HTR2C: variants seen among roughly 807,000 people sequenced by gnomAD.
HTR2C encodes the protein 5-hydroxytryptamine receptor 2C.
A neutral mutation model predicts 21.0 loss-of-function variants in HTR2C; 5 were observed. That is an observed-to-expected ratio of 0.24 (90% CI 0.12 to 0.50). The LOEUF (loss-of-function observed/expected upper bound fraction) is 0.50. Among genes scored for constraint, HTR2C ranks in the 20% least tolerant of loss-of-function variants. HTR2C has a pLI of 0.98. For missense variants in HTR2C, 271 were observed against 371.2 expected, an observed-to-expected ratio of 0.73 and a Z score of 2.22; for synonymous variants, 150 against 145.3, an observed-to-expected ratio of 1.03 and a Z score of -0.23.
intron 2 of HTR2C, among the ~76,000 whole-genome samples, chrX:114,671,841 A>T (rs1212183264): frequency 8.9e-6 from 1 of 112,020 alleles, no homozygotes; most frequent in Admixed American, 9.5e-5. Context: ...AAAATTAAAT[A>T]TTCAAATACC....
chrX:114,808,930 T>G (rs2070505238), intron 4 of HTR2C, among the ~76,000 whole-genome samples: 1 of 111,948 alleles, frequency 8.9e-6, no homozygotes, highest in Admixed American at 9.5e-5. Context: ...CCACTGGGAC[T>G]GTACTAGGTC....
At chrX:114,774,986 G>A (rs1556438275) in intron 4 of HTR2C, 27 of 497,184 alleles carry the variant, frequency 5.4e-5, no homozygotes, top group Non-Finnish European at 8.0e-5. Context: ...TCTGTCTGCT[G>A]ATGTTCAAAT....
At chrX:114,758,216 G>A (rs1556430987) in intron 4 of HTR2C, among the ~76,000 whole-genome samples, 1 of 111,357 alleles carries the variant, frequency 9.0e-6, no homozygotes, top group Non-Finnish European at 1.9e-5. Context: ...CAATATTTAA[G>A]TCTTAAAAGG....
chrX:114,764,152 C>A lies in HTR2C; in HGVS notation c.349+32545C>A, dbSNP rs377383847. Among the ~76,000 whole-genome samples the A allele has an allele frequency of 1.0e-3, 114 of 110,867 alleles. 1 individual carries two copies. The highest frequency in any genetic ancestry group is 3.6e-3 in the African/African-American group (109 of 30,499). On this transcript the variant is annotated intron_variant, in intron 4 of 5. Transcript: ENST00000276198. Reference sequence around the variant, plus strand: ...GGTGGCTCATGCCTGTAACCCCAACCCTTTGGGAGGCCGAGGCGGGCAGAT... The same window carrying A: ...GGTGGCTCATGCCTGTAACCCCAACACTTTGGGAGGCCGAGGCGGGCAGAT...
At chrX:114,639,813 T>G (rs1930021184) in intron 2 of HTR2C, among the ~76,000 whole-genome samples, 1 of 111,758 alleles carries the variant, frequency 8.9e-6, no homozygotes, top group Non-Finnish European at 1.9e-5. Flanking sequence ...ATTTTTAACT[T>G]TGTATTTAAC....
chrX:114,663,837 G>A (rs146240075), intron 2 of HTR2C, among the ~76,000 whole-genome samples: 1,992 of 111,582 alleles, frequency 0.018, 52 homozygotes, highest in African/African-American at 0.062. Context: ...ACTAGACTGC[G>A]GGGGTGAGGG....
chrX:114,752,817 A>G (rs916671637), intron 4 of HTR2C, among the ~76,000 whole-genome samples: 2 of 110,526 alleles, frequency 1.8e-5, no homozygotes, highest in Non-Finnish European at 3.8e-5. Context: ...AATTTTCGGA[A>G]CCCAAGAAAT....
intron 5 of HTR2C, among the ~76,000 whole-genome samples, chrX:114,894,068 A>G (rs2071277734): frequency 9.0e-6 from 1 of 111,121 alleles, no homozygotes; most frequent in African/African-American, 3.3e-5. Flanking sequence ...TGAAACTTTC[A>G]TTGCGGATGG....
At chrX:114,720,719 A>ATG in intron 2 of HTR2C, among the ~76,000 whole-genome samples, 1 of 28,472 alleles carries the variant, frequency 3.5e-5, no homozygotes, top group African/African-American at 1.2e-4. Context: ...TCCTGTGTCC[A>ATG]TGTGATCTCA....
chrX:114,869,749 G>A (rs1556475778), intron 5 of HTR2C, among the ~76,000 whole-genome samples: 1 of 111,872 alleles, frequency 8.9e-6, no homozygotes, highest in African/African-American at 3.3e-5. Flanking sequence ...CCAGACCTTA[G>A]AGGAAAGACT....
chrX:114,699,168 T>C (rs1556416312), intron 2 of HTR2C, among the ~76,000 whole-genome samples: 2 of 112,171 alleles, frequency 1.8e-5, no homozygotes, highest in African/African-American at 6.5e-5. Context: ...GATATTTTGC[T>C]TTAAGCTATG....
chrX:114,820,009 C>T (rs782521024), intron 4 of HTR2C, among the ~76,000 whole-genome samples: 1 of 110,060 alleles, frequency 9.1e-6, no homozygotes. Flanking sequence ...AACATTAATG[C>T]TGGTCAGTTG....
At position 114,907,322 on chromosome X, in the gene HTR2C, T is replaced by C; in HGVS notation, c.1284T>C (p.Ser428=). ...ATGAACCGGTGATCGAGAAAGCCAG[T>C]GACAATGAGCCCGGTATAGAGATGC... is the stretch of plus-strand genomic sequence containing the variant. The part of the protein sequence containing the change: ...HTNEPVIEKA[S]DNEPGIEMQV... The change falls in exon 6 of 6, where the codon AGT becomes AGC. Residue 428 remains serine (S), a synonymous_variant. Transcript: ENST00000276198. 1 of 1,210,967 alleles carries C rather than the reference T, an allele frequency of 8.3e-7. No homozygotes were observed. The highest frequency in any genetic ancestry group is 1.1e-6 in the Non-Finnish European group (1 of 894,895).
intron 4 of HTR2C, among the ~76,000 whole-genome samples, chrX:114,779,486 G>C (rs1299504948): frequency 9.0e-6 from 1 of 111,396 alleles, no homozygotes; most frequent in Non-Finnish European, 1.9e-5. Flanking sequence ...TGGTGCAAAA[G>C]TCATTGCAGT....
At chrX:114,847,950 T>C (rs1411963481) in intron 4 of HTR2C, 53 bp from the exon 5 acceptor site, 7 of 953,549 alleles carry the variant, frequency 7.3e-6, no homozygotes, top group Non-Finnish European at 1.0e-5. Flanking sequence ...TTTGAGACTA[T>C]AGTCAGTACA....
At position 114,682,179 on chromosome X, in the gene HTR2C, A is replaced by G. The variant is rs187400944; in HGVS notation, c.-79-44679A>G. Among the ~76,000 whole-genome samples, 567 of 111,336 alleles carry G rather than the reference A, an allele frequency of 5.1e-3. 3 individuals carry two copies. Among genetic ancestry groups the G allele is most frequent in the Middle Eastern group, 0.019 (4 of 214 alleles). On this transcript the variant is annotated intron_variant, in intron 2 of 5. Coordinates refer to ENST00000276198, the MANE Select transcript of HTR2C (RefSeq NM_000868.4). ...AGGAAATTTCTTTAACAGGCTGACAATTTTCTTTTTTAATAAATGGAACAA... is the reference window on the plus strand; with the variant it reads ...AGGAAATTTCTTTAACAGGCTGACAGTTTTCTTTTTTAATAAATGGAACAA...
chrX:114,629,157 C>T (rs1179088463), intron 2 of HTR2C, among the ~76,000 whole-genome samples: 2 of 111,538 alleles, frequency 1.8e-5, no homozygotes, highest in African/African-American at 3.3e-5. Flanking sequence ...AAAACAGAAA[C>T]GGGTTAATTT....
At chrX:114,808,716 A>C (rs781805368) in intron 4 of HTR2C, among the ~76,000 whole-genome samples, 1 of 111,857 alleles carries the variant, frequency 8.9e-6, no homozygotes, top group African/African-American at 3.2e-5. Flanking sequence ...TCTGATGATC[A>C]ATGATAGTGA....
chrX:114,889,449 T>G (rs1416640170), intron 5 of HTR2C, among the ~76,000 whole-genome samples: 2 of 112,058 alleles, frequency 1.8e-5, no homozygotes, highest in African/African-American at 6.5e-5. Context: ...GCAATCCGAC[T>G]GTTTGGGGAA....
Sources: allele counts gnomAD v4.1 joint callset (sites outside exome capture counted in the v4.1 genomes callset), GRCh38; gene constraint gnomAD v4.1.1; transcripts MANE v1.5; gene names NCBI Gene and HGNC (gene_info 2026-07-23, HGNC 2026-07-21).